The following HOMER2 variants were observed in gnomAD, a reference collection of about 807,000 sequenced individuals.
HOMER2 encodes the protein homer scaffold protein 2, also known as homer protein homolog 2.
In HOMER2, 27 loss-of-function variants were observed where a neutral mutation model predicts 47.0. The ratio of observed to expected loss-of-function variants is 0.57; its 90% CI spans 0.42 to 0.79. The LOEUF (loss-of-function observed/expected upper bound fraction) is 0.79, where lower values mean the gene tolerates loss of function less well. Ranked by LOEUF, HOMER2 falls within the 30% of genes least tolerant of loss-of-function variation. The pLI, the probability that HOMER2 is intolerant of heterozygous loss-of-function variation, is 0.00. For synonymous variants in HOMER2, 161 were observed against 163.8 expected, an observed-to-expected ratio of 0.98 and a Z score of 0.13; for missense variants, 443 against 435.0, an observed-to-expected ratio of 1.02 and a Z score of -0.16.
At chr15:82,892,414 C>T (rs2052740864) in intron 2 of HOMER2, among the ~76,000 whole-genome samples, 1 of 152,150 alleles carries the variant, frequency 6.6e-6, no homozygotes, top group African/African-American at 2.4e-5. Context: ...CATTGGAAGC[C>T]ACTTAAATAT....
chr15:82,855,494 G>C (rs143610806), intron 5 of HOMER2, among the ~76,000 whole-genome samples: 1 of 152,158 alleles, frequency 6.6e-6, no homozygotes, highest in South Asian at 2.1e-4. Context: ...TTCAAGAATC[G>C]TATGAAAGCC....
At chr15:82,937,519 C>T (rs1213254578) in intron 1 of HOMER2, among the ~76,000 whole-genome samples, 1 of 152,182 alleles carries the variant, frequency 6.6e-6, no homozygotes, top group Admixed American at 6.5e-5. Flanking sequence ...CATTAATGTT[C>T]GTTCCCTCCA....
At chr15:82,954,671 A>G (rs11857990), upstream of HOMER2, among the ~76,000 whole-genome samples, 46,526 of 151,958 alleles carry the variant, frequency 0.31, 7,487 homozygotes, top group African/African-American at 0.35. Flanking sequence ...ATACTTCAGC[A>G]CATACATACT....
intron 5 of HOMER2, among the ~76,000 whole-genome samples, chr15:82,855,127 GAA>G (rs2051532517): frequency 6.6e-6 from 1 of 151,970 alleles, no homozygotes; most frequent in Non-Finnish European, 1.5e-5. Context: ...ACTAGGTCAA[GAA>G]ATCGAGACCA....
In HOMER2 at chr15:82,984,970, A is replaced by G. The variant is rs988658717; in HGVS notation, n.82+817T>C. Among the ~76,000 whole-genome samples the G allele has an allele frequency of 1.3e-5, 2 of 152,256 alleles. 1 individual carries two copies. The highest frequency in any genetic ancestry group is 2.9e-5 in the Non-Finnish European group (2 of 68,050). The stretch of plus-strand genomic sequence containing the variant: ...GAAGTTAGAAAGTGGTAATAACTAA[A>G]TACATGAAATTCCAGAAATATGATG... On this transcript the variant is annotated intron_variant and non_coding_transcript_variant, in intron 1 of 1. Transcript: ENST00000500334.
At chr15:82,958,998 A>G (rs2054608777) in exon 2 of HOMER2, 1 of 152,432 alleles carries the variant, frequency 6.6e-6, no homozygotes, top group Non-Finnish European at 1.5e-5. Context: ...TGTCTCCTCC[A>G]CTAGACTATG....
In HOMER2 at chr15:82,931,282, C is replaced by T. The variant is rs2054002231; in HGVS notation, c.5+21249G>A. Among the ~76,000 whole-genome samples, 3 of 152,226 alleles carry T rather than the reference C, an allele frequency of 2.0e-5. No individual in the cohort carries two copies. The South Asian group carries it at 6.2e-4, about 32-fold the overall frequency. ...GAGCTCTGCCCTTGAGAGACAGGCCCCCTGGGGCCACAGTGTGACCAGCCT... is the reference window on the plus strand; with the variant it reads ...GAGCTCTGCCCTTGAGAGACAGGCCTCCTGGGGCCACAGTGTGACCAGCCT... On this transcript the variant is annotated intron_variant, in intron 1 of 8. Transcript: ENST00000450735.
At chr15:82,937,235 A>C (rs1274348739) in intron 1 of HOMER2, among the ~76,000 whole-genome samples, 1 of 152,222 alleles carries the variant, frequency 6.6e-6, no homozygotes, top group South Asian at 2.1e-4. Context: ...CATACAGTCT[A>C]GACATTCTTC....
intron 3 of HOMER2, among the ~76,000 whole-genome samples, chr15:82,872,024 G>A (rs1355380266): frequency 6.6e-6 from 1 of 152,170 alleles, no homozygotes; most frequent in Non-Finnish European, 1.5e-5. Flanking sequence ...CACATGACCA[G>A]GACGGGCCTG....
At chr15:82,874,557 C>T (rs528830005) in intron 3 of HOMER2, among the ~76,000 whole-genome samples, 1 of 152,258 alleles carries the variant, frequency 6.6e-6, no homozygotes, top group East Asian at 1.9e-4. Context: ...CAACACCTTT[C>T]TAACCATCCA....
At chr15:82,924,889 C>T (rs1336673990) in intron 1 of HOMER2, among the ~76,000 whole-genome samples, 3 of 152,206 alleles carry the variant, frequency 2.0e-5, no homozygotes, top group African/African-American at 4.8e-5. Flanking sequence ...CTAAGCCCAA[C>T]GTGATGCTCC....
chr15:82,858,518 A>G (rs2051662879), intron 5 of HOMER2, among the ~76,000 whole-genome samples: 1 of 151,858 alleles, frequency 6.6e-6, no homozygotes, highest in African/African-American at 2.4e-5. Context: ...CTGGTCTCAA[A>G]CTCCTAGGCT....
chr15:82,855,325 CAAA>C (rs1162254209), intron 5 of HOMER2, among the ~76,000 whole-genome samples: 5 of 61,516 alleles, frequency 8.1e-5, no homozygotes, highest in South Asian at 1.0e-3. Context: ...ACTCCATCTC[CAAA>C]AAAAAAAAAA....
downstream of HOMER2, chr15:82,846,673 G>C (rs1320568319): frequency 6.6e-6 from 1 of 152,138 alleles, no homozygotes; most frequent in Non-Finnish European, 1.5e-5. Context: ...TCTCTGCCCT[G>C]TTCTCTCACC....
At chr15:82,870,889 A>C (rs1158881233) in intron 3 of HOMER2, among the ~76,000 whole-genome samples, 1 of 152,226 alleles carries the variant, frequency 6.6e-6, no homozygotes, top group African/African-American at 2.4e-5. Context: ...TAAGGGCAGA[A>C]TATGTTTCCT....
At chr15:82,912,959 T>A (rs1470160602) in intron 1 of HOMER2, among the ~76,000 whole-genome samples, 1 of 152,240 alleles carries the variant, frequency 6.6e-6, no homozygotes, top group African/African-American at 2.4e-5. Context: ...ACACACTAGT[T>A]AACCTATTTC....
intron 8 of HOMER2, 138 bp from the exon 9 acceptor site, chr15:82,850,041 A>C (rs893318799): frequency 1.6e-5 from 12 of 763,754 alleles, no homozygotes; most frequent in East Asian, 5.4e-5. Context: ...GAGACATGCT[A>C]CCCCAGCACA....
intron 1 of HOMER2, among the ~76,000 whole-genome samples, chr15:82,907,794 T>C (rs2053332803): frequency 6.6e-6 from 1 of 152,160 alleles, no homozygotes; most frequent in Admixed American, 6.5e-5. Context: ...CATACCACAA[T>C]GGAATTAAAC....
In HOMER2 at chr15:82,852,142, T is replaced by C. The variant is rs1402197666; in HGVS notation, c.762A>G (p.Thr254=). ...ELEAELREKE[T]ELKDLRKQSE... Reference sequence around the variant, plus strand: ...CCCTGCTCGGAGCACCATTACTCACTGTCTCCTTTTCTCGGAGCTCTGCCT... The same window carrying C: ...CCCTGCTCGGAGCACCATTACTCACCGTCTCCTTTTCTCGGAGCTCTGCCT... Residue 254 remains threonine (T), a splice_region_variant and synonymous_variant, in exon 7 of 9, where the codon ACA becomes ACG. Coordinates refer to ENST00000450735, the MANE Select transcript of HOMER2 (RefSeq NM_004839.4). 4 of 1,610,094 alleles carry C rather than the reference T, an allele frequency of 2.5e-6. No individual in the cohort carries two copies. The highest frequency in any genetic ancestry group is 8.5e-7 in the Non-Finnish European group (1 of 1,176,400).
Sources: allele counts gnomAD v4.1 joint callset (sites outside exome capture counted in the v4.1 genomes callset), GRCh38; gene constraint gnomAD v4.1.1; transcripts MANE v1.5; gene names NCBI Gene and HGNC (gene_info 2026-07-23, HGNC 2026-07-21).